FIG4: variants seen among roughly 807,000 people sequenced by gnomAD.
The protein encoded by FIG4 is FIG4 phosphoinositide 5-phosphatase.
Under a neutral mutation model 118.6 loss-of-function variants are expected in FIG4, and 112 were observed. The observed-to-expected ratio is 0.94, with a 90% CI of 0.81 to 1.11. The LOEUF (loss-of-function observed/expected upper bound fraction) is 1.11, where lower values mean the gene tolerates loss of function less well. Among genes scored for constraint, FIG4 ranks in the 50% least tolerant of loss-of-function variants. The pLI, the probability that FIG4 is intolerant of heterozygous loss-of-function variation, is 0.00. For synonymous variants in FIG4, 369 were observed against 381.2 expected, an observed-to-expected ratio of 0.97 and a Z score of 0.37; for missense variants, 969 against 1,111.7, an observed-to-expected ratio of 0.87 and a Z score of 1.83.
chr6:109,728,862 T>C (rs1186205890), intron 4 of FIG4, among the ~76,000 whole-genome samples: 2 of 152,174 alleles, frequency 1.3e-5, no homozygotes, highest in African/African-American at 4.8e-5. Flanking sequence ...CTCATCTTTA[T>C]GATACTTTAG....
intron 1 of FIG4, among the ~76,000 whole-genome samples, chr6:109,698,269 A>G (rs192720251): frequency 1.3e-5 from 2 of 152,172 alleles, no homozygotes; most frequent in African/African-American, 4.8e-5. Context: ...AAGTCTTAAA[A>G]TCAGGAAGTT....
At chr6:109,707,461 A>G (rs1223216081) in intron 1 of FIG4, among the ~76,000 whole-genome samples, 1 of 149,618 alleles carries the variant, frequency 6.7e-6, no homozygotes, top group African/African-American at 2.4e-5. Context: ...ACATATATAC[A>G]CATATATATA....
intron 4 of FIG4, among the ~76,000 whole-genome samples, chr6:109,729,821 T>C (rs182931215): frequency 7.5e-4 from 112 of 149,788 alleles, no homozygotes; most frequent in African/African-American, 2.6e-3. Context: ...AAGATCAACA[T>C]GTAAGACATA....
At chr6:109,743,412 C>T in intron 9 of FIG4, 140 bp downstream of exon 9, 1 of 782,322 alleles carries the variant, frequency 1.3e-6, no homozygotes, top group Non-Finnish European at 2.1e-6. Flanking sequence ...AGAGGAATTT[C>T]CGTTATTCTT....
chr6:109,720,592 G>A (rs563176455), intron 3 of FIG4, among the ~76,000 whole-genome samples: 6 of 152,230 alleles, frequency 3.9e-5, no homozygotes, highest in Middle Eastern at 3.4e-3. Flanking sequence ...CTTAAAACAC[G>A]AGTTTAATAC....
intron 1 of FIG4, among the ~76,000 whole-genome samples, chr6:109,712,297 C>T (rs1457938709): frequency 6.6e-6 from 1 of 152,114 alleles, no homozygotes; most frequent in East Asian, 1.9e-4. Context: ...TGAATGTTGG[C>T]TTCTTTAGAT....
intron 22 of FIG4, among the ~76,000 whole-genome samples, chr6:109,809,371 G>GTTGTTTCATT (rs1310908900): frequency 6.6e-6 from 1 of 152,128 alleles, no homozygotes; most frequent in Non-Finnish European, 1.5e-5. Flanking sequence ...TTTTCATTAA[G>GTTGTTTCATT]AAGTTGTTTA....
At chr6:109,707,438 T>TACATATATATACACATATATAC (rs1775121220) in intron 1 of FIG4, among the ~76,000 whole-genome samples, 2 of 148,846 alleles carry the variant, frequency 1.3e-5, no homozygotes, top group Admixed American at 6.8e-5. Context: ...TACATATATA[T>TACATATATATACACATATATAC]ACATATATAT....
At chr6:109,810,581 T>G (rs887901014) in intron 22 of FIG4, among the ~76,000 whole-genome samples, 1 of 152,188 alleles carries the variant, frequency 6.6e-6, no homozygotes, top group Non-Finnish European at 1.5e-5. Context: ...ATGCTGCCTG[T>G]TTAGCCACGA....
intron 22 of FIG4, among the ~76,000 whole-genome samples, chr6:109,802,437 G>C (rs1439043402): frequency 6.6e-6 from 1 of 152,194 alleles, no homozygotes; most frequent in Non-Finnish European, 1.5e-5. Flanking sequence ...GGCCTATGCA[G>C]TGAAATGAAA....
intron 22 of FIG4, among the ~76,000 whole-genome samples, chr6:109,801,178 T>C (rs184012019): frequency 1.6e-3 from 240 of 152,316 alleles, no homozygotes; most frequent in Middle Eastern, 6.8e-3. Flanking sequence ...GTTCAAAATA[T>C]AATACAGTTT....
chr6:109,791,307 A>G (rs1778127970), intron 19 of FIG4, 69 bp from the exon 20 acceptor site: 2 of 1,321,990 alleles, frequency 1.5e-6, no homozygotes, highest in East Asian at 4.6e-5. Flanking sequence ...GCTTTGGGAC[A>G]GAGTGATAGA....
chr6:109,731,809 C>T (rs1217577960), intron 4 of FIG4, among the ~76,000 whole-genome samples: 2 of 151,784 alleles, frequency 1.3e-5, no homozygotes, highest in African/African-American at 2.4e-5. Context: ...CCACAGATAC[C>T]GAGGGATGAC....
At chr6:109,816,017 A>G (rs547473276) in intron 22 of FIG4, among the ~76,000 whole-genome samples, 29 of 152,274 alleles carry the variant, frequency 1.9e-4, no homozygotes, top group African/African-American at 6.7e-4. Context: ...TTATTTTTTA[A>G]AAGATAAAAA....
chr6:109,719,323 C>T (rs74607155), intron 3 of FIG4, among the ~76,000 whole-genome samples: 2,233 of 151,826 alleles, frequency 0.015, 58 homozygotes, highest in African/African-American at 0.052. Context: ...TTAAATGTAA[C>T]GAAGTGAAAA....
At chr6:109,749,232 C>T (rs983091194) in intron 10 of FIG4, among the ~76,000 whole-genome samples, 1 of 152,002 alleles carries the variant, frequency 6.6e-6, no homozygotes, top group Non-Finnish European at 1.5e-5. Flanking sequence ...TAGGGATTGA[C>T]TTTGTAAAAT....
chr6:109,770,441 G>A (rs1185179839), intron 15 of FIG4, among the ~76,000 whole-genome samples: 1 of 152,146 alleles, frequency 6.6e-6, no homozygotes, highest in Non-Finnish European at 1.5e-5. Flanking sequence ...TGCATGCATG[G>A]AGGGGAATCA....
chr6:109,769,455 A>G (rs549776372), intron 15 of FIG4, among the ~76,000 whole-genome samples: 1 of 152,192 alleles, frequency 6.6e-6, no homozygotes, highest in Non-Finnish European at 1.5e-5. Flanking sequence ...TTTAAGAAGC[A>G]TGATATCATT....
chr6:109,783,200 C>T (rs973014725), intron 16 of FIG4, among the ~76,000 whole-genome samples: 1 of 152,206 alleles, frequency 6.6e-6, no homozygotes, highest in Admixed American at 6.5e-5. Context: ...ATCTGTGCAG[C>T]AAACCACTAT....
Sources: gnomAD v4.1 joint callset for allele counts (sites outside exome capture counted in the v4.1 genomes callset) on GRCh38, gnomAD v4.1.1 for gene constraint, MANE v1.5 for transcripts, NCBI Gene and HGNC (gene_info 2026-07-23, HGNC 2026-07-21) for gene names.